LYZ: variants seen among roughly 807,000 people sequenced by gnomAD.
LYZ encodes lysozyme C.
Under a neutral mutation model 15.8 loss-of-function variants are expected in LYZ, and 18 were observed. The observed-to-expected ratio is 1.14, with a 90% CI of 0.79 to 1.69. The LOEUF is 1.69. LYZ is among the 40% of genes most tolerant of loss of function. The pLI is 0.00. For missense variants in LYZ, 139 were observed against 182.8 expected (o/e 0.76, Z 1.38); for synonymous variants, 60 against 61.7 (o/e 0.97, Z 0.13).
At chr12:69,350,884 C>T (rs1874830913) in intron 2 of LYZ, among the ~76,000 whole-genome samples, 1 of 151,474 alleles carries the variant, frequency 6.6e-6, no homozygotes, top group African/African-American at 2.4e-5. Flanking sequence ...AGTGATCATC[C>T]CACCACAGCC....
At chr12:69,349,932 A>C (rs1874803480) in intron 1 of LYZ, among the ~76,000 whole-genome samples, 176 bp from the exon 2 acceptor site, 1 of 152,240 alleles carries the variant, frequency 6.6e-6, no homozygotes. Flanking sequence ...GCATTACAAA[A>C]GGATTCTCTT....
At chr12:69,351,212 G>A (rs1335009990) in intron 2 of LYZ, among the ~76,000 whole-genome samples, 1 of 152,026 alleles carries the variant, frequency 6.6e-6, no homozygotes, top group African/African-American at 2.4e-5. Context: ...TTTATTTGGA[G>A]TGAAACAAAT....
rs764263034 is a variant in LYZ, at chr12:69,350,127, G to A, written c.156G>A (p.Trp52Ter). 38 of 1,613,952 alleles carry A rather than the reference G, an allele frequency of 2.4e-5. No individual in the cohort carries two copies. In the East Asian group the frequency reaches 8.5e-4, roughly 36 times the overall value. ...SLANWMCLAK[W>*]ESGYNTRATN... The stretch of plus-strand genomic sequence containing the variant: ...TTTCAGGGATGTGTTTGGCCAAATG[G>A]GAGAGTGGTTACAACACACGAGCTA... Residue 52 changes from tryptophan to a stop codon, truncating the protein, a stop_gained, in exon 2 of 4, where the codon TGG becomes TGA. Transcript: ENST00000261267. LOFTEE classifies it high-confidence loss of function.
rs1329183667 is a variant in LYZ at position 69,348,438 on chromosome 12, C to G, written c.30C>G (p.Val10=). The change falls in exon 1 of 4, where the codon GTC becomes GTG. Residue 10 remains valine (V), a synonymous_variant. Transcript: ENST00000261267. The part of the protein sequence containing the change: MKALIVLGL[V]LLSVTVQGKV... ...AGGCTCTCATTGTTCTGGGGCTTGT[C>G]CTCCTTTCTGTTACGGTCCAGGGCA... 1.2e-6 allele frequency: 2 copies of G among 1,614,032 alleles called. No individual in the cohort carries two copies. Among genetic ancestry groups the G allele is most frequent in the Non-Finnish European group, 1.7e-6 (2 of 1,180,022 alleles).
intron 2 of LYZ, among the ~76,000 whole-genome samples, chr12:69,351,644 C>T (rs1439525441): frequency 1.3e-5 from 2 of 152,038 alleles, no homozygotes; most frequent in Non-Finnish European, 2.9e-5. Context: ...TGCTTCTTAT[C>T]ACACAAAATT....
chr12:69,352,530 T>C (rs558808847), intron 3 of LYZ, among the ~76,000 whole-genome samples: 5 of 152,356 alleles, frequency 3.3e-5, no homozygotes, highest in African/African-American at 9.6e-5. Flanking sequence ...AGTTTTAAGA[T>C]GCTTCACACT....
At chr12:69,349,137 G>A (rs1391239858) in intron 1 of LYZ, among the ~76,000 whole-genome samples, 2 of 152,146 alleles carry the variant, frequency 1.3e-5, no homozygotes, top group Non-Finnish European at 1.5e-5. Context: ...GAGTAGCTGT[G>A]ACTACAGGTG....
intron 2 of LYZ, 60 bp downstream of exon 2, chr12:69,350,332 A>T: frequency 1.3e-6 from 2 of 1,574,586 alleles, no homozygotes; most frequent in East Asian, 4.5e-5. Context: ...GACTCAATAC[A>T]AATGAAAAAG....
intron 1 of LYZ, among the ~76,000 whole-genome samples, chr12:69,348,775 G>T (rs935647731): frequency 1.3e-5 from 2 of 152,156 alleles, no homozygotes; most frequent in Non-Finnish European, 2.9e-5. Flanking sequence ...AGGACCTGTT[G>T]TACTGTTCTA....
intron 1 of LYZ, among the ~76,000 whole-genome samples, chr12:69,349,100 C>T (rs1447397428): frequency 6.6e-6 from 1 of 152,108 alleles, no homozygotes; most frequent in Non-Finnish European, 1.5e-5. Flanking sequence ...CTTCTGGGCT[C>T]AAGTGATTCT....
chr12:69,350,799 G>A (rs1432430740), intron 2 of LYZ, among the ~76,000 whole-genome samples: 1 of 14,574 alleles, frequency 6.9e-5, no homozygotes, highest in East Asian at 3.4e-3. Flanking sequence ...GTTTTGTTTT[G>A]TTTTATTTTG....
At position 69,353,337 on chromosome 12, in the gene LYZ, C is replaced by A; in HGVS notation, c.*118C>A. Reference sequence around the variant, plus strand: ...CAAACAAATAATATTTTTACAGAAGCAGGAGCAAAATATGGCCTTTCTTCT... The same window carrying A: ...CAAACAAATAATATTTTTACAGAAGAAGGAGCAAAATATGGCCTTTCTTCT... On this transcript the variant is annotated 3_prime_UTR_variant, in exon 4 of 4. Transcript: ENST00000261267. 1.2e-6 allele frequency: 1 copy of A among 854,428 alleles called. No homozygotes were observed. The highest frequency in any genetic ancestry group is 2.0e-6 in the Non-Finnish European group (1 of 495,846). 52.9% of individuals were successfully genotyped at this position (854,428 alleles called of 1,614,324 possible). A position where few individuals can be genotyped will look rare whatever the true frequency, so the allele number is the denominator to read the frequency against.
Position 69,353,882 on chromosome 12 carries a change from T to C in LYZ, c.*663T>C, listed in dbSNP as rs1218332906. 1 of 152,520 alleles carries C rather than the reference T, an allele frequency of 6.6e-6. No homozygotes were observed. Among genetic ancestry groups the C allele is most frequent in the African/African-American group, 2.4e-5 (1 of 41,432 alleles). The allele number at this position is 152,520 out of a possible 1,614,324, so 9.4% of individuals were successfully genotyped here. The stretch of plus-strand genomic sequence containing the variant: ...TAAAAAATATAAGAAAAGGTTATCT[T>C]AAATAGATCTTAGGCAAAATACCAG... On this transcript the variant is annotated 3_prime_UTR_variant, in exon 4 of 4. Transcript: ENST00000261267.
intron 3 of LYZ, among the ~76,000 whole-genome samples, chr12:69,352,873 A>G (rs1819725299): frequency 6.6e-6 from 1 of 152,186 alleles, no homozygotes; most frequent in African/African-American, 2.4e-5. Context: ...TGTCTCAAAT[A>G]AATACATAAA....
chr12:69,350,585 G>C (rs1242898323), intron 2 of LYZ: 1 of 312,918 alleles, frequency 3.2e-6, no homozygotes, highest in Non-Finnish European at 6.1e-6. Context: ...GGATAATTTA[G>C]TTGTATGGTC....
rs377391760 is a variant in LYZ at position 69,348,435 on chromosome 12, T to C, written c.27T>C (p.Leu9=). 3 of 1,614,110 alleles carry C rather than the reference T, an allele frequency of 1.9e-6. No individual in the cohort carries two copies. Among genetic ancestry groups the C allele is most frequent in the Non-Finnish European group, 2.5e-6 (3 of 1,180,036 alleles). ...TGAAGGCTCTCATTGTTCTGGGGCT[T>C]GTCCTCCTTTCTGTTACGGTCCAGG... is the stretch of plus-strand genomic sequence containing the variant. MKALIVLG[L]VLLSVTVQGK... The change falls in exon 1 of 4, where the codon CTT becomes CTC. Residue 9 remains leucine, a synonymous_variant. Transcript: ENST00000261267.
chr12:69,350,155 A>G lies in LYZ; in HGVS notation c.184A>G (p.Asn62Asp). Residue 62 changes from asparagine to aspartate, a missense_variant, in exon 2 of 4, where the codon AAC (asparagine) becomes GAC (aspartate). Transcript: ENST00000261267. The stretch of plus-strand genomic sequence containing the variant: ...GAGTGGTTACAACACACGAGCTACA[A>G]ACTACAATGCTGGAGACAGAAGCAC... ...WESGYNTRAT[N>D]YNAGDRSTDY... 1.2e-6 allele frequency: 2 copies of G among 1,614,150 alleles called. No individual in the cohort carries two copies. The highest frequency in any genetic ancestry group is 8.5e-7 in the Non-Finnish European group (1 of 1,180,002).
chr12:69,352,779 G>A (rs1874870280), intron 3 of LYZ, among the ~76,000 whole-genome samples: 1 of 152,198 alleles, frequency 6.6e-6, no homozygotes, highest in Non-Finnish European at 1.5e-5. Flanking sequence ...GGAGGCTGAG[G>A]CAGGAGACTT....
At chr12:69,351,415 A>G (rs1260646234) in intron 2 of LYZ, among the ~76,000 whole-genome samples, 3 of 151,732 alleles carry the variant, frequency 2.0e-5, no homozygotes, top group African/African-American at 7.2e-5. Flanking sequence ...TCATTAAATA[A>G]AAATTAGAAA....
Sources: allele counts gnomAD v4.1 joint callset (sites outside exome capture counted in the v4.1 genomes callset), GRCh38; gene constraint gnomAD v4.1.1; transcripts MANE v1.5; gene names NCBI Gene and HGNC (gene_info 2026-07-23, HGNC 2026-07-21).